The following AGBL4 variants were observed in gnomAD, a reference collection of about 807,000 sequenced individuals.
The protein encoded by AGBL4 is AGBL carboxypeptidase 4.
In AGBL4, 58 loss-of-function variants were observed where a neutral mutation model predicts 66.4. That is an observed-to-expected ratio of 0.87 (90% CI 0.71 to 1.09). The LOEUF is 1.09. AGBL4 is among the 50% of genes least tolerant of loss of function. The pLI is 0.00. For synonymous variants in AGBL4, 234 were observed against 222.9 expected, an observed-to-expected ratio of 1.05 and a Z score of -0.44; for missense variants, 579 against 631.0, an observed-to-expected ratio of 0.92 and a Z score of 0.88.
chr1:48,908,579 A>G (rs1325208754), intron 5 of AGBL4, among the ~76,000 whole-genome samples: 1 of 152,236 alleles, frequency 6.6e-6, no homozygotes, highest in Non-Finnish European at 1.5e-5. Flanking sequence ...ACAACATGCC[A>G]GGCAATGAGC....
chr1:49,712,363 A>T (rs888537644), intron 2 of AGBL4, among the ~76,000 whole-genome samples: 8 of 151,916 alleles, frequency 5.3e-5, no homozygotes, highest in Admixed American at 1.3e-4. Context: ...ATACTGCATG[A>T]TCTCACTTAT....
At chr1:48,748,877 A>C (rs1005022506) in intron 6 of AGBL4, among the ~76,000 whole-genome samples, 1 of 152,062 alleles carries the variant, frequency 6.6e-6, no homozygotes, top group Non-Finnish European at 1.5e-5. Context: ...TGAGGGCAGG[A>C]GCAGGCTTCG....
chr1:48,687,143 A>G (rs1646546841), intron 6 of AGBL4, among the ~76,000 whole-genome samples: 3 of 152,200 alleles, frequency 2.0e-5, no homozygotes, highest in African/African-American at 7.2e-5. Context: ...AAACAGCGGC[A>G]GATGAAGCAC....
At chr1:49,782,974 C>A (rs1379651620) in intron 2 of AGBL4, among the ~76,000 whole-genome samples, 1 of 151,778 alleles carries the variant, frequency 6.6e-6, no homozygotes, top group Non-Finnish European at 1.5e-5. Context: ...CAGACTAAGA[C>A]AGTGCCCTTA....
At chr1:49,471,255 C>T (rs1335270897) in intron 3 of AGBL4, among the ~76,000 whole-genome samples, 2 of 151,922 alleles carry the variant, frequency 1.3e-5, no homozygotes, top group Non-Finnish European at 2.9e-5. Context: ...ATCAAGGAAG[C>T]TTAAAGGTAT....
chr1:48,540,714 T>G lies in AGBL4; in HGVS notation c.1268-976A>C, dbSNP rs370212183. ...ATCCTTAGCGATTGCTTCTCCCTCA[T>G]CTCTTAGCTCTGAACATCCAAGCTG... On this transcript the variant is annotated intron_variant, in intron 11 of 13. Coordinates refer to ENST00000371839, the MANE Select transcript of AGBL4 (RefSeq NM_032785.4). Among the ~76,000 whole-genome samples the G allele has an allele frequency of 3.3e-4, 50 of 152,206 alleles. No homozygotes were observed. The East Asian group carries it at 8.0e-3, about 24-fold the overall frequency.
chr1:49,924,624 G>A (rs1652584767), intron 1 of AGBL4, among the ~76,000 whole-genome samples: 1 of 151,988 alleles, frequency 6.6e-6, no homozygotes, highest in South Asian at 2.1e-4. Flanking sequence ...GTTTTATAGT[G>A]CTTGCTATAT....
chr1:49,632,775 C>A (rs1425023809), intron 3 of AGBL4, among the ~76,000 whole-genome samples: 2 of 152,120 alleles, frequency 1.3e-5, no homozygotes, highest in African/African-American at 4.8e-5. Flanking sequence ...GGTGAGCAAA[C>A]AGGAAGCACT....
chr1:49,954,504 A>C (rs1489397620), intron 1 of AGBL4, among the ~76,000 whole-genome samples: 1 of 152,016 alleles, frequency 6.6e-6, no homozygotes, highest in Non-Finnish European at 1.5e-5. Context: ...ACACAGCAAG[A>C]GGGCCTTTGC....
intron 3 of AGBL4, among the ~76,000 whole-genome samples, chr1:49,433,464 G>C (rs1186500975): frequency 6.6e-6 from 1 of 152,070 alleles, no homozygotes; most frequent in African/African-American, 2.4e-5. Context: ...ATACATATTT[G>C]GTCACAGAAG....
intron 6 of AGBL4, among the ~76,000 whole-genome samples, chr1:48,771,693 A>G (rs1644842015): frequency 6.6e-6 from 1 of 152,266 alleles, no homozygotes; most frequent in African/African-American, 2.4e-5. Context: ...GACACGCAAC[A>G]ATCTTTGCAT....
chr1:49,483,709 T>C (rs1438823023), intron 3 of AGBL4, among the ~76,000 whole-genome samples: 2 of 151,472 alleles, frequency 1.3e-5, no homozygotes, highest in African/African-American at 4.8e-5. Flanking sequence ...TGAGTAACGC[T>C]CCGCAAGCAC....
chr1:49,951,076 G>A (rs1057131473), intron 1 of AGBL4, among the ~76,000 whole-genome samples: 1 of 151,770 alleles, frequency 6.6e-6, no homozygotes, highest in South Asian at 2.1e-4. Context: ...CAGGGGATGG[G>A]GGGGATAGAG....
intron 5 of AGBL4, among the ~76,000 whole-genome samples, chr1:49,038,988 T>G (rs945636453): frequency 2.0e-5 from 3 of 152,056 alleles, no homozygotes; most frequent in Admixed American, 6.6e-5. Context: ...CTGTATTATA[T>G]CCAGACAATG....
intron 11 of AGBL4, among the ~76,000 whole-genome samples, chr1:48,580,017 A>AGAC (rs1448591939): frequency 6.6e-6 from 1 of 152,152 alleles, no homozygotes; most frequent in Non-Finnish European, 1.5e-5. Flanking sequence ...TGAGATCTCA[A>AGAC]GACTATAGAC....
chr1:48,913,381 T>A (rs1477795287), intron 5 of AGBL4, among the ~76,000 whole-genome samples: 2 of 152,178 alleles, frequency 1.3e-5, no homozygotes, highest in Non-Finnish European at 2.9e-5. Context: ...TGTGTCCTGT[T>A]AGGAACTGGG....
Position 49,565,767 on chromosome 1 carries a change from C to T in AGBL4, c.282+131546G>A, listed in dbSNP as rs1157001732. On this transcript the variant is annotated intron_variant, in intron 3 of 13. Coordinates refer to ENST00000371839, the MANE Select transcript of AGBL4 (RefSeq NM_032785.4). ...TCCATTTCATCTTTGGTGAATCTGA[C>T]AAGTATGTGTCTCGGAGTTGCTCTT... Among the ~76,000 whole-genome samples the T allele has an allele frequency of 3.3e-5, 5 of 152,106 alleles. No homozygotes were observed. The East Asian group carries it at 7.7e-4, about 23-fold the overall frequency.
intron 3 of AGBL4, among the ~76,000 whole-genome samples, chr1:49,320,981 G>T (rs1645123462): frequency 6.6e-6 from 1 of 152,116 alleles, no homozygotes. Flanking sequence ...TCACTAGCAG[G>T]ATAACAGCAT....
intron 9 of AGBL4, among the ~76,000 whole-genome samples, chr1:48,596,363 CCTT>C (rs999202315): frequency 3.9e-5 from 6 of 152,126 alleles, no homozygotes; most frequent in Admixed American, 3.3e-4. Flanking sequence ...ACACATTCCT[CCTT>C]CAGATTTACC....
Sources: allele counts gnomAD v4.1 joint callset (sites outside exome capture counted in the v4.1 genomes callset), GRCh38; gene constraint gnomAD v4.1.1; transcripts MANE v1.5; gene names NCBI Gene and HGNC (gene_info 2026-07-23, HGNC 2026-07-21).